Variants in KANK1 observed in about 807,000 individuals in gnomAD.
KANK1 encodes the protein KN motif and ankyrin repeat domains 1, also known as KN motif and ankyrin repeat domain-containing protein 1.
Under a neutral mutation model 106.2 loss-of-function variants are expected in KANK1, and 109 were observed. The ratio of observed to expected loss-of-function variants is 1.03; its 90% CI spans 0.88 to 1.20. The LOEUF (loss-of-function observed/expected upper bound fraction) is 1.20, where lower values mean the gene tolerates loss of function less well. KANK1 is among the 50% of genes most tolerant of loss of function. The pLI is 0.00. For missense variants in KANK1, 2,399 were observed against 1,710.7 expected, an observed-to-expected ratio of 1.40 and a Z score of -7.10; for synonymous variants, 873 against 652.2, an observed-to-expected ratio of 1.34 and a Z score of -5.16.
chr9:647,045 T>G (rs1286760853), intron 1 of KANK1, among the ~76,000 whole-genome samples: 5 of 151,082 alleles, frequency 3.3e-5, no homozygotes, highest in African/African-American at 1.2e-4. Context: ...GGAATTTGGC[T>G]TTGAGTTACT....
At chr9:728,057 C>T (rs753417512) in intron 3 of KANK1, among the ~76,000 whole-genome samples, 1 of 152,290 alleles carries the variant, frequency 6.6e-6, no homozygotes, top group East Asian at 1.9e-4. Flanking sequence ...GAGTGACAAA[C>T]AGACTCTTTA....
intron 1 of KANK1, among the ~76,000 whole-genome samples, chr9:556,444 T>G (rs2061588523): frequency 6.6e-6 from 1 of 152,208 alleles, no homozygotes; most frequent in Non-Finnish European, 1.5e-5. Flanking sequence ...CAGATCTTAG[T>G]CTCATGGAGT....
intron 2 of KANK1, among the ~76,000 whole-genome samples, chr9:472,707 A>G (rs964810020): frequency 6.6e-6 from 1 of 152,238 alleles, no homozygotes; most frequent in African/African-American, 2.4e-5. Context: ...TGCAGGGATT[A>G]GTGTAAAAGG....
At chr9:744,921 T>G in intron 11 of KANK1, 2 of 1,424,334 alleles carry the variant, frequency 1.4e-6, no homozygotes, top group South Asian at 1.5e-5. Flanking sequence ...CTGAAGCAGA[T>G]GGCAGGCAGC....
intron 2 of KANK1, among the ~76,000 whole-genome samples, chr9:710,405 G>A (rs1270611309): frequency 6.6e-6 from 1 of 151,954 alleles, no homozygotes; most frequent in Non-Finnish European, 1.5e-5. Flanking sequence ...ATCACCTAAG[G>A]TCAGGAGTTC....
intron 1 of KANK1, among the ~76,000 whole-genome samples, chr9:642,687 T>C (rs543748868): frequency 6.6e-6 from 1 of 150,616 alleles, no homozygotes. Flanking sequence ...AGGTAACTCT[T>C]ACTTGAAATT....
At chr9:496,689 C>T (rs2058463685) in intron 3 of KANK1, among the ~76,000 whole-genome samples, 2 of 152,126 alleles carry the variant, frequency 1.3e-5, no homozygotes, top group African/African-American at 4.8e-5. Flanking sequence ...GTTGTTTTTG[C>T]ACATGTATCA....
intron 1 of KANK1, among the ~76,000 whole-genome samples, chr9:557,517 G>A (rs2061669666): frequency 6.6e-6 from 1 of 152,212 alleles, no homozygotes; most frequent in Non-Finnish European, 1.5e-5. Context: ...GGGGAAAAAT[G>A]TCCATATCAT....
rs748488643 is a variant in KANK1 at position 738,315 on chromosome 9, T to C, written c.3364T>C (p.Trp1122Arg). ...CTGTCTGAACACCCTCCAGCACGAG[T>C]GGTTCCGCGTGTCCAGTCAGAAGTC... ...RFCLNTLQHE[W>R]FRVSSQKSAI... The change falls in exon 8 of 12, where the codon TGG (tryptophan) becomes CGG (arginine). Residue 1122 changes from tryptophan to arginine, a missense_variant. By Grantham distance (101) the Trp-to-Arg change is moderately radical (BLOSUM62 -3). Transcript: ENST00000382297. The C allele has an allele frequency of 3.7e-6, 6 of 1,613,634 alleles. No individual in the cohort carries two copies. Among genetic ancestry groups the C allele is most frequent in the Non-Finnish European group, 2.5e-6 (3 of 1,179,908 alleles).
At chr9:482,507 CCT>C (rs1226158912) in intron 3 of KANK1, among the ~76,000 whole-genome samples, 2 of 152,280 alleles carry the variant, frequency 1.3e-5, no homozygotes, top group South Asian at 2.1e-4. Context: ...AATATTTTCC[CCT>C]CTCTCGAGAT....
At position 595,352 on chromosome 9, in the gene KANK1, T is replaced by A. The variant is rs1825948529; in HGVS notation, c.-83-81538T>A. Among the ~76,000 whole-genome samples the A allele has an allele frequency of 3.3e-5, 5 of 151,932 alleles. 1 individual carries two copies. The South Asian group carries it at 1.0e-3, about 31-fold the overall frequency. On this transcript the variant is annotated intron_variant, in intron 1 of 11. Transcript: ENST00000382297. ...AAAAGTGCTCTTTCTGGTGTGAATT[T>A]CTCTTGCTGTGAAAGCACTCTGAAG...
intron 1 of KANK1, among the ~76,000 whole-genome samples, chr9:548,449 C>T (rs112087209): frequency 1.3e-4 from 20 of 152,228 alleles, no homozygotes; most frequent in African/African-American, 4.6e-4. Context: ...CTCAGCAGCA[C>T]GTACAGATGC....
At chr9:699,226 C>T (rs1459239369) in intron 2 of KANK1, among the ~76,000 whole-genome samples, 1 of 152,160 alleles carries the variant, frequency 6.6e-6, no homozygotes, top group African/African-American at 2.4e-5. Flanking sequence ...ACACTTAATA[C>T]AGTTGTTATT....
chr9:686,699 G>T (rs1180485413), intron 2 of KANK1: 12 of 935,466 alleles, frequency 1.3e-5, no homozygotes, highest in African/African-American at 1.8e-5. Context: ...AGTGTGAGGG[G>T]AAATGGCAGC....
chr9:743,292 A>G (rs1424357975), intron 10 of KANK1, among the ~76,000 whole-genome samples: 1 of 152,136 alleles, frequency 6.6e-6, no homozygotes, highest in Non-Finnish European at 1.5e-5. Context: ...AAACCAGCGG[A>G]GTTTTTCACT....
At chr9:529,921 T>C (rs188604427) in intron 1 of KANK1, among the ~76,000 whole-genome samples, 1 of 152,354 alleles carries the variant, frequency 6.6e-6, no homozygotes, top group East Asian at 1.9e-4. Flanking sequence ...AGCACTTGTT[T>C]CTTTATATCG....
intron 2 of KANK1, among the ~76,000 whole-genome samples, chr9:699,189 A>C (rs1263768940): frequency 6.6e-6 from 1 of 152,156 alleles, no homozygotes; most frequent in Non-Finnish European, 1.5e-5. Flanking sequence ...CTGTGTTCCA[A>C]CATAACGCCT....
chr9:508,121 C>CTTTTTTTTTTTTTTTTT (rs71314711), intron 1 of KANK1, among the ~76,000 whole-genome samples: 1 of 39,156 alleles, frequency 2.6e-5, no homozygotes, highest in Non-Finnish European at 5.5e-5. Flanking sequence ...CCTGCTCAGC[C>CTTTTTTTTTTTTTTTTT]TTTTTTTTTT....
intron 1 of KANK1, among the ~76,000 whole-genome samples, chr9:634,155 T>C (rs1170380405): frequency 6.6e-6 from 1 of 152,232 alleles, no homozygotes; most frequent in Non-Finnish European, 1.5e-5. Flanking sequence ...GCCAGCAATG[T>C]GGAAAATGGA....
Sources: gnomAD v4.1 joint callset for allele counts (sites outside exome capture counted in the v4.1 genomes callset) on GRCh38, gnomAD v4.1.1 for gene constraint, MANE v1.5 for transcripts, NCBI Gene and HGNC (gene_info 2026-07-23, HGNC 2026-07-21) for gene names.